The following WDR43 variants were observed in gnomAD, a reference collection of about 807,000 sequenced individuals.
WDR43 encodes WD repeat domain 43.
WDR43 carries 13 observed loss-of-function variants against 91.4 expected under a neutral mutation model. The observed-to-expected ratio is 0.14, with a 90% CI of 0.09 to 0.23. The LOEUF is 0.23. Ranked by LOEUF, WDR43 falls within the 10% of genes least tolerant of loss-of-function variation. WDR43 has a pLI of 1.00. For missense variants in WDR43, 780 were observed against 809.4 expected (o/e 0.96, Z 0.44); for synonymous variants, 331 against 287.9 (o/e 1.15, Z -1.51).
intron 2 of WDR43, among the ~76,000 whole-genome samples, chr2:28,905,681 T>G (rs1670665575): frequency 6.6e-6 from 1 of 151,398 alleles, no homozygotes; most frequent in Non-Finnish European, 1.5e-5. Context: ...TTTTTTTTTT[T>G]TGATATGGAG....
rs1335261714 is a variant in WDR43, at chr2:28,947,453, A to G, written c.*674A>G. ...CAAAACAAAAATTATGGTCATTAAA[A>G]AACTAGAGAATTAGCCATATTAAGG... On this transcript the variant is annotated 3_prime_UTR_variant, in exon 18 of 18. Coordinates refer to ENST00000407426, the MANE Select transcript of WDR43 (RefSeq NM_015131.3). 1 of 152,200 alleles carries G rather than the reference A, an allele frequency of 6.6e-6. No individual in the cohort carries two copies. The highest frequency in any genetic ancestry group is 1.5e-5 in the Non-Finnish European group (1 of 68,030). The allele number at this position is 152,200 out of a possible 1,614,324, so 9.4% of individuals were successfully genotyped here. A position where few individuals can be genotyped will look rare whatever the true frequency, so the allele number is the denominator to read the frequency against.
At chr2:28,934,624 A>G (rs974321614) in intron 11 of WDR43, among the ~76,000 whole-genome samples, 3 of 152,214 alleles carry the variant, frequency 2.0e-5, no homozygotes, top group South Asian at 2.1e-4. Context: ...TTAGAAAATC[A>G]TTACTAATTA....
chr2:28,926,004 C>T lies in WDR43; in HGVS notation c.1087-464C>T, dbSNP rs1014985498. 3.9e-5 allele frequency among the ~76,000 whole-genome samples: 6 copies of T among 152,234 alleles called. No homozygotes were observed. The East Asian group carries it at 5.8e-4, about 15-fold the overall frequency. ...TGACTCCCCCGATCCTATTTAATAT[C>T]GTGTCAGGACATACAGATGCATTTT... On this transcript the variant is annotated intron_variant, in intron 8 of 17. Coordinates refer to ENST00000407426, the MANE Select transcript of WDR43 (RefSeq NM_015131.3).
chr2:28,934,962 C>T (rs1311974357), intron 11 of WDR43, among the ~76,000 whole-genome samples: 3 of 152,032 alleles, frequency 2.0e-5, no homozygotes, highest in African/African-American at 7.2e-5. Context: ...TTCTAAGGGG[C>T]AGGACCGGAA....
chr2:28,920,156 G>GTAAAA (rs1487181526), intron 6 of WDR43, among the ~76,000 whole-genome samples: 31 of 149,520 alleles, frequency 2.1e-4, no homozygotes, highest in Non-Finnish European at 1.3e-4. Flanking sequence ...CCCTGTGACT[G>GTAAAA]TAAAATAAAG....
rs771928585 is a variant in WDR43, at chr2:28,947,401, G to A, written c.*622G>A. ...CCCAGAATAACCACTTATTTTTGAAGCTATCATGTGAAGTATTTTTTTAAA... is the reference window on the plus strand; with the variant it reads ...CCCAGAATAACCACTTATTTTTGAAACTATCATGTGAAGTATTTTTTTAAA... On this transcript the variant is annotated 3_prime_UTR_variant, in exon 18 of 18. Coordinates refer to ENST00000407426, the MANE Select transcript of WDR43 (RefSeq NM_015131.3). 3.9e-5 allele frequency: 6 copies of A among 152,050 alleles called. No homozygotes were observed. Among genetic ancestry groups the A allele is most frequent in the Non-Finnish European group, 8.8e-5 (6 of 68,018 alleles). 9.4% of individuals were successfully genotyped at this position (152,050 alleles called of 1,614,324 possible).
At chr2:28,936,002 A>T (rs7573904) in intron 12 of WDR43, among the ~76,000 whole-genome samples, 62,099 of 151,960 alleles carry the variant, frequency 0.41, 13,449 homozygotes, top group Middle Eastern at 0.53. Flanking sequence ...ACCTTAACCT[A>T]ACACCGAAAC....
chr2:28,935,471 C>A, intron 11 of WDR43, 50 bp from the exon 12 acceptor site: 2 of 1,295,306 alleles, frequency 1.5e-6, no homozygotes, highest in South Asian at 1.4e-5. Flanking sequence ...TCTGTGATGT[C>A]CTTGGTTTGT....
intron 2 of WDR43, among the ~76,000 whole-genome samples, chr2:28,902,878 A>G (rs1009131122): frequency 6.6e-6 from 1 of 152,354 alleles, no homozygotes; most frequent in African/African-American, 2.4e-5. Context: ...TTCAGACAAT[A>G]TCTATTGCAG....
intron 12 of WDR43, among the ~76,000 whole-genome samples, chr2:28,936,041 C>T (rs1188832151): frequency 1.3e-5 from 2 of 152,064 alleles, no homozygotes; most frequent in Non-Finnish European, 2.9e-5. Flanking sequence ...TTTTCTTAAT[C>T]ACAGTTTGGT....
chr2:28,938,714 C>G (rs1247550149), intron 14 of WDR43, among the ~76,000 whole-genome samples: 1 of 152,218 alleles, frequency 6.6e-6, no homozygotes, highest in Admixed American at 6.5e-5. Context: ...CCCTTGTTCT[C>G]TGTCACTGAC....
intron 3 of WDR43, among the ~76,000 whole-genome samples, chr2:28,906,846 G>T (rs71443098): frequency 0.15 from 22,592 of 152,236 alleles, 2,286 homozygotes; most frequent in Non-Finnish European, 0.22. Context: ...TGTTGGGAAG[G>T]CCTGGAGGAG....
chr2:28,912,899 C>T (rs1419380295), intron 4 of WDR43, among the ~76,000 whole-genome samples, 189 bp downstream of exon 4: 1 of 151,088 alleles, frequency 6.6e-6, no homozygotes, highest in Non-Finnish European at 1.5e-5. Flanking sequence ...GACATGTCTA[C>T]TTCAAACGTA....
chr2:28,911,824 G>A (rs1670807010), intron 3 of WDR43, among the ~76,000 whole-genome samples: 2 of 150,492 alleles, frequency 1.3e-5, no homozygotes, highest in Admixed American at 6.6e-5. Flanking sequence ...GGGTCTCGCT[G>A]TATTGCCCAG....
chr2:28,914,550 A>G lies in WDR43; in HGVS notation c.746+342A>G, dbSNP rs1670871076. Reference sequence around the variant, plus strand: ...GCAGTAGTGTCTGTTTATGGAGGGCATAAAATTGCTTGGCTGTCTCAGAAT... The same window carrying G: ...GCAGTAGTGTCTGTTTATGGAGGGCGTAAAATTGCTTGGCTGTCTCAGAAT... On this transcript the variant is annotated intron_variant, in intron 5 of 17. Transcript: ENST00000407426. Among the ~76,000 whole-genome samples the G allele has an allele frequency of 2.0e-5, 3 of 152,250 alleles. No individual in the cohort carries two copies. In the South Asian group the frequency reaches 6.2e-4, roughly 32 times the overall value.
At chr2:28,916,408 C>T (rs1263107931) in intron 5 of WDR43, among the ~76,000 whole-genome samples, 1 of 152,046 alleles carries the variant, frequency 6.6e-6, no homozygotes, top group Non-Finnish European at 1.5e-5. Context: ...TTCACATCCT[C>T]ATCAACACTT....
intron 7 of WDR43, among the ~76,000 whole-genome samples, chr2:28,923,343 CAG>C (rs1289446720): frequency 6.6e-5 from 10 of 152,144 alleles, no homozygotes; most frequent in East Asian, 1.9e-4. Context: ...TTTTGATAGA[CAG>C]GGGAGTATTG....
At chr2:28,924,758 G>A (rs914230125) in intron 7 of WDR43, among the ~76,000 whole-genome samples, 1 of 152,002 alleles carries the variant, frequency 6.6e-6, no homozygotes, top group Non-Finnish European at 1.5e-5. Flanking sequence ...TGGGACAGAG[G>A]GGGAAGTAGG....
At chr2:28,901,185 T>C (rs1670572942) in intron 1 of WDR43, among the ~76,000 whole-genome samples, 1 of 152,220 alleles carries the variant, frequency 6.6e-6, no homozygotes, top group Non-Finnish European at 1.5e-5. Context: ...TGGTGAGCCG[T>C]AATTTAAAAA....
Sources: gnomAD v4.1 joint callset for allele counts (sites outside exome capture counted in the v4.1 genomes callset) on GRCh38, gnomAD v4.1.1 for gene constraint, MANE v1.5 for transcripts, NCBI Gene and HGNC (gene_info 2026-07-23, HGNC 2026-07-21) for gene names.